The following MROH2A variants were observed in gnomAD, a reference collection of about 807,000 sequenced individuals.
MROH2A encodes the protein maestro heat-like repeat-containing protein family member 2A.
A neutral mutation model predicts 200.4 loss-of-function variants in MROH2A; 174 were observed. That is an observed-to-expected ratio of 0.87 (90% CI 0.77 to 0.98). The LOEUF (loss-of-function observed/expected upper bound fraction) is 0.98, where lower values mean the gene tolerates loss of function less well. MROH2A is among the 50% of genes least tolerant of loss of function. The probability of loss-of-function intolerance (pLI) is 0.00; values close to 1 mark genes in which losing one functional copy is unlikely to be tolerated. For missense variants in MROH2A, 2,045 were observed against 2,139.6 expected (o/e 0.96, Z 0.87); for synonymous variants, 829 against 840.4 (o/e 0.99, Z 0.23).
In MROH2A at chr2:233,807,734, G is replaced by A. The variant is rs1168043815; in HGVS notation, c.2174G>A (p.Gly725Asp). 1 of 1,550,602 alleles carries A rather than the reference G, an allele frequency of 6.4e-7. No individual in the cohort carries two copies. The highest frequency in any genetic ancestry group is 1.4e-5 in the African/African-American group (1 of 73,070). Residue 725 changes from glycine (G) to aspartate (D), a missense_variant and splice_region_variant, in exon 21 of 42, where the codon GGT becomes GAT. By Grantham distance (94) the Gly-to-Asp change is moderately conservative. Transcript: ENST00000389758. This position sits in a 1 kb window ranked among gnomAD's most constrained non-coding sequence, Gnocchi z 4.3. ...CTGGCTGGCTGGGTCTCCCTGCAGG[G>A]TGTGATTATGTGCTTTGGCCTGTGT... ...TDYSNDFDSE[G>D]VIMCFGLCAR...
upstream of MROH2A, among the ~76,000 whole-genome samples, chr2:233,777,013 T>C (rs1700727687): frequency 6.6e-6 from 1 of 152,230 alleles, no homozygotes. Context: ...AGCGAGCCAA[T>C]GGCCAGCCCT....
intron 19 of MROH2A, among the ~76,000 whole-genome samples, chr2:233,805,479 C>T (rs1355863879): frequency 2.0e-5 from 3 of 152,206 alleles, no homozygotes; most frequent in Non-Finnish European, 4.4e-5. Flanking sequence ...TGGTGATACT[C>T]TCCAAATTTA....
Position 233,822,121 on chromosome 2 carries a change from T to TCC in MROH2A, c.3513-3_3513-2insCC, listed in dbSNP as rs1703978113. 1 of 1,547,776 alleles carries TCC rather than the reference T, an allele frequency of 6.5e-7. No homozygotes were observed. Among genetic ancestry groups the TCC allele is most frequent in the African/African-American group, 1.4e-5 (1 of 73,002 alleles). The stretch of plus-strand genomic sequence containing the variant: ...ACAGTCCTTGTGCCCTGACTTTGGT[T>TCC]AGCCACCTGGCAGAGGTGTGGCTGG... On this transcript the variant is annotated splice_polypyrimidine_tract_variant and splice_region_variant and intron_variant, in intron 31 of 41. Transcript: ENST00000389758.
intron 39 of MROH2A, 26 bp from the exon 40 acceptor site, chr2:233,832,151 C>CAAAA (rs76276350): frequency 0.51 from 789,505 of 1,534,426 alleles, 205,477 homozygotes; most frequent in African/African-American, 0.61. Context: ...TCCTCCAAAG[C>CAAAA]TGTGTGTATC....
chr2:233,829,519 C>G, intron 37 of MROH2A, 101 bp from the exon 38 acceptor site: 1 of 1,165,652 alleles, frequency 8.6e-7, no homozygotes, highest in Non-Finnish European at 1.1e-6. Context: ...ATCCAGAAGG[C>G]TCTGCAGGGA....
intron 22 of MROH2A, 140 bp downstream of exon 22, chr2:233,809,418 A>G (rs755357445): frequency 3.5e-6 from 3 of 850,450 alleles, no homozygotes; most frequent in Non-Finnish European, 5.4e-6. Flanking sequence ...TGGGAAGCCC[A>G]TTGCCCAAAT....
At chr2:233,822,616 G>A (rs556377320) in intron 33 of MROH2A, 60 bp downstream of exon 33, 10 of 1,504,036 alleles carry the variant, frequency 6.6e-6, no homozygotes, top group Non-Finnish European at 8.9e-6. Flanking sequence ...GCCACGGGCT[G>A]CCCCTTAGTT....
chr2:233,796,407 C>G (rs1439933949), intron 11 of MROH2A, 94 bp downstream of exon 11: 2 of 815,316 alleles, frequency 2.5e-6, no homozygotes, highest in African/African-American at 3.4e-5. Flanking sequence ...TCGGGCATTG[C>G]CACTTCCTAG....
intron 5 of MROH2A, among the ~76,000 whole-genome samples, chr2:233,792,363 A>T (rs536867045): frequency 1.5e-3 from 211 of 145,422 alleles, no homozygotes; most frequent in Non-Finnish European, 1.9e-3. Context: ...CCCAGGCTGG[A>T]GTGCAGTGGC....
chr2:233,788,634 C>T (rs1701520882), intron 3 of MROH2A, among the ~76,000 whole-genome samples: 4 of 152,202 alleles, frequency 2.6e-5, no homozygotes, highest in South Asian at 2.1e-4. Context: ...AAGTAACCCT[C>T]ATTCCTTAAG....
chr2:233,787,517 CAT>C (rs1199178207), intron 3 of MROH2A, among the ~76,000 whole-genome samples: 7 of 116,000 alleles, frequency 6.0e-5, no homozygotes, highest in African/African-American at 2.4e-4. Flanking sequence ...ATTATATATA[CAT>C]ATATATTACA....
rs1025844773 is a variant in MROH2A at position 233,810,867 on chromosome 2, T to C, written c.2522T>C (p.Leu841Pro). The change falls in exon 23 of 42, where the codon CTG (leucine) becomes CCG (proline). Residue 841 changes from leucine to proline, a missense_variant. By Grantham distance (98) the Leu-to-Pro change is moderately conservative. Coordinates refer to ENST00000389758, the MANE Select transcript of MROH2A (RefSeq NM_001394639.1). ...AAGGCCATCAACAACATCAAGGACC[T>C]GGAGGACTTTCACTTTGCCCAGAAG... ...VTKAINNIKDLEDFHFAQKTT... is the reference protein window; with the variant it reads ...VTKAINNIKDPEDFHFAQKTT... The C allele has an allele frequency of 4.5e-6, 7 of 1,550,396 alleles. No homozygotes were observed. The highest frequency in any genetic ancestry group is 3.5e-6 in the Non-Finnish European group (4 of 1,146,850).
At chr2:233,797,737 C>A (rs1265872568) in intron 11 of MROH2A, among the ~76,000 whole-genome samples, 2 of 152,098 alleles carry the variant, frequency 1.3e-5, no homozygotes, top group Non-Finnish European at 2.9e-5. Context: ...CTCCCCTTTC[C>A]CCCAACCCTC....
In MROH2A at chr2:233,809,274, G is replaced by T. The variant is rs1386645014; in HGVS notation, c.2444G>T (p.Cys815Phe). 8 of 1,549,258 alleles carry T rather than the reference G, an allele frequency of 5.2e-6. No individual in the cohort carries two copies. The highest frequency in any genetic ancestry group is 7.0e-6 in the Non-Finnish European group (8 of 1,145,918). ...ATCATTCACCATTATGTCAGCAGCTGCCAGGTAGCCCCATCTGCTGCCTGG... is the reference window on the plus strand; with the variant it reads ...ATCATTCACCATTATGTCAGCAGCTTCCAGGTAGCCCCATCTGCTGCCTGG... Reference protein sequence around the residue: ...AKIIHHYVSSCQDICLKMAFM... With the variant: ...AKIIHHYVSSFQDICLKMAFM... The change falls in exon 22 of 42, where the codon TGC becomes TTC. Residue 815 changes from cysteine (C) to phenylalanine (F), a missense_variant. This residue lies in a region of MROH2A where 1,201 missense variants were observed against 1,311.3 expected (regional missense o/e 0.92). Transcript: ENST00000389758.
chr2:233,796,380 G>T, intron 11 of MROH2A, 67 bp downstream of exon 11: 1 of 1,067,896 alleles, frequency 9.4e-7, no homozygotes, highest in East Asian at 2.6e-5. Context: ...AACAAGGGAG[G>T]CAAGTTTCAT....
Position 233,818,824 on chromosome 2 carries a change from C to T in MROH2A, c.3204+54C>T, listed in dbSNP as rs750706080. 5.0e-5 allele frequency: 61 copies of T among 1,219,352 alleles called. 1 individual carries two copies. Among genetic ancestry groups the T allele is most frequent in the Non-Finnish European group, 5.7e-5 (49 of 864,488 alleles). 75.5% of individuals were successfully genotyped at this position (1,219,352 alleles called of 1,614,324 possible). A position where few individuals can be genotyped will look rare whatever the true frequency, so the allele number is the denominator to read the frequency against. On this transcript the variant is annotated intron_variant, in intron 29 of 41. Transcript: ENST00000389758. ...CCAGGCTGGTCTCAGGGCCCTTGGC[C>T]GTCTCTCAGGGAGGGAGGCCTTCCT...
rs1022942498 is a variant in MROH2A at position 233,785,410 on chromosome 2, A to G, written c.277-4087A>G. ...CCCAGCATTTTTGAGTCAAGGCTGC[A>G]GTGAGCCATTTTGCACCACTGTACT... is the stretch of plus-strand genomic sequence containing the variant. On this transcript the variant is annotated intron_variant, in intron 3 of 41. Coordinates refer to ENST00000389758, the MANE Select transcript of MROH2A (RefSeq NM_001394639.1). 3.4e-5 allele frequency among the ~76,000 whole-genome samples: 5 copies of G among 148,600 alleles called. No homozygotes were observed. In the East Asian group the frequency reaches 1.0e-3, roughly 30 times the overall value.
Position 233,820,591 on chromosome 2 carries a change from T to C in MROH2A, c.3512+535T>C, listed in dbSNP as rs1226574702. ...CTGCAGACAGTGCAGAGCTCCTGTG[T>C]GTGCTACAGCATGATGGCACAGGCA... On this transcript the variant is annotated intron_variant, in intron 31 of 41. Transcript: ENST00000389758. The surrounding 1 kb of genome is among the most constrained non-coding windows in gnomAD (Gnocchi z 4.1). Among the ~76,000 whole-genome samples, 1 of 152,036 alleles carries C rather than the reference T, an allele frequency of 6.6e-6. No individual in the cohort carries two copies. The highest frequency in any genetic ancestry group is 1.5e-5 in the Non-Finnish European group (1 of 67,970).
At chr2:233,803,919 C>T in intron 16 of MROH2A, 132 bp from the exon 17 acceptor site, 2 of 1,217,024 alleles carry the variant, frequency 1.6e-6, no homozygotes, top group Non-Finnish European at 2.3e-6. Flanking sequence ...CAGGTGCACT[C>T]TCTATTTGAA....
Sources: allele counts gnomAD v4.1 joint callset (sites outside exome capture counted in the v4.1 genomes callset), GRCh38; gene constraint gnomAD v4.1.1; regional missense constraint gnomAD v4.1.1; non-coding constraint Gnocchi (gnomAD v3.1); transcripts MANE v1.5; gene names NCBI Gene and HGNC (gene_info 2026-07-23, HGNC 2026-07-21).